The following CPLANE1 variants were observed in gnomAD, a reference collection of about 807,000 sequenced individuals.
CPLANE1 encodes ciliogenesis and planar polarity effector complex subunit 1.
Under a neutral mutation model 362.5 loss-of-function variants are expected in CPLANE1, and 263 were observed. The observed-to-expected ratio is 0.73, with a 90% CI of 0.66 to 0.80. CPLANE1 has a LOEUF of 0.80. CPLANE1 is among the 30% of genes least tolerant of loss of function. The probability of loss-of-function intolerance (pLI) is 0.00; values close to 1 mark genes in which losing one functional copy is unlikely to be tolerated. For synonymous variants in CPLANE1, 1,212 were observed against 1,302.6 expected (o/e 0.93, Z 1.50); for missense variants, 3,461 against 3,793.4 (o/e 0.91, Z 2.30).
rs1190963321 is a variant in CPLANE1, at chr5:37,175,968, T to C, written c.5919A>G (p.Ser1973=). The change falls in exon 31 of 53, where the codon TCA becomes TCG. Residue 1973 remains serine (S), a synonymous_variant. Coordinates refer to ENST00000651892, the MANE Select transcript of CPLANE1 (RefSeq NM_001384732.1). Reference sequence around the variant, plus strand: ...ATTGAGGAGTGGTATGCCCAGGATGTGAAAAGGCTTCGATCATACTATCAA... The same window carrying C: ...ATTGAGGAGTGGTATGCCCAGGATGCGAAAAGGCTTCGATCATACTATCAA... ...TEQKGMIEAF[S]HPGHTTPQSM... is the part of the protein sequence containing the mutation. 5.6e-6 allele frequency: 9 copies of C among 1,612,546 alleles called. No homozygotes were observed. The highest frequency in any genetic ancestry group is 7.6e-6 in the Non-Finnish European group (9 of 1,179,032).
At chr5:37,167,832 G>C (rs1021357039) in intron 34 of CPLANE1, among the ~76,000 whole-genome samples, 1 of 152,090 alleles carries the variant, frequency 6.6e-6, no homozygotes, top group African/African-American at 2.4e-5. Context: ...ATAATGTCCA[G>C]CATTTAACTT....
chr5:37,193,974 T>C (rs916100423), intron 21 of CPLANE1, among the ~76,000 whole-genome samples: 2 of 147,974 alleles, frequency 1.4e-5, no homozygotes, highest in African/African-American at 2.5e-5. Flanking sequence ...CAGGCTGGAG[T>C]ACAATGGTGC....
chr5:37,242,818 G>C (rs1055101379), intron 6 of CPLANE1, among the ~76,000 whole-genome samples, 195 bp downstream of exon 6: 1 of 151,552 alleles, frequency 6.6e-6, no homozygotes, highest in African/African-American at 2.4e-5. Context: ...CTTGAGCCCA[G>C]GAGTGCAAGA....
intron 44 of CPLANE1, chr5:37,141,742 T>C (rs539195094): frequency 1.3e-5 from 13 of 982,442 alleles, no homozygotes; most frequent in Admixed American, 6.1e-5. Context: ...CTATTATTCA[T>C]AGGACAAAGT....
At chr5:37,159,752 C>G (rs560369514) in intron 38 of CPLANE1, among the ~76,000 whole-genome samples, 1 of 152,302 alleles carries the variant, frequency 6.6e-6, no homozygotes, top group East Asian at 1.9e-4. Flanking sequence ...ATCATTCCCT[C>G]TCTCTTAATT....
At chr5:37,199,076 C>A (rs1788407930) in intron 19 of CPLANE1, among the ~76,000 whole-genome samples, 1 of 126,738 alleles carries the variant, frequency 7.9e-6, no homozygotes, top group Non-Finnish European at 1.6e-5. Context: ...AAGCCTGGGC[C>A]ACACAGGGAC....
Position 37,201,734 on chromosome 5 carries a change from C to T in CPLANE1, c.3364G>A (p.Asp1122Asn), listed in dbSNP as rs775457117. ...AATGTCTCCGAAAGAATATCTGCATCGGCCATAACTGATGCTTTCAGTACT... is the reference window on the plus strand; with the variant it reads ...AATGTCTCCGAAAGAATATCTGCATTGGCCATAACTGATGCTTTCAGTACT... ...QEVLKASVMA[D>N]ADILSETFQL... Residue 1122 changes from aspartate to asparagine, a missense_variant, in exon 19 of 53, where the codon GAT becomes AAT. Physicochemically the swap from Asp to Asn is conservative, Grantham distance 23 (BLOSUM62 1). This residue lies in a region of CPLANE1 where 3,380 missense variants were observed against 3,666.1 expected (regional missense o/e 0.92). Transcript: ENST00000651892. 1.4e-5 allele frequency: 23 copies of T among 1,613,916 alleles called. No homozygotes were observed. The highest frequency in any genetic ancestry group is 6.7e-5 in the African/African-American group (5 of 74,906).
At chr5:37,102,266 C>T (rs1208571994), downstream of CPLANE1, among the ~76,000 whole-genome samples, 5 of 152,114 alleles carry the variant, frequency 3.3e-5, no homozygotes, top group African/African-American at 1.2e-4. Context: ...TGGTTCACTG[C>T]ACCCTCCATC....
chr5:37,196,044 C>A (rs763812366), intron 20 of CPLANE1, 48 bp from the exon 21 acceptor site: 11 of 1,491,744 alleles, frequency 7.4e-6, no homozygotes, highest in African/African-American at 2.8e-5. Context: ...CTGTATAAAT[C>A]ACTTTTAAAA....
intron 4 of CPLANE1, among the ~76,000 whole-genome samples, chr5:37,245,042 C>A (rs10043911): frequency 0.066 from 10,037 of 151,628 alleles, 1,021 homozygotes; most frequent in African/African-American, 0.22. Flanking sequence ...GTCCCAGCTA[C>A]TCGGGAGGCT....
chr5:37,237,316 G>A (rs1799219104), intron 8 of CPLANE1, among the ~76,000 whole-genome samples: 1 of 152,068 alleles, frequency 6.6e-6, no homozygotes, highest in Admixed American at 6.5e-5. Context: ...TGGAACTGGA[G>A]GTCATTATCC....
intron 30 of CPLANE1, 57 bp downstream of exon 30, chr5:37,177,564 T>C: frequency 1.6e-6 from 2 of 1,278,342 alleles, no homozygotes; most frequent in Admixed American, 3.8e-5. Flanking sequence ...GGAAAAAAGC[T>C]GAAAGCTTCA....
chr5:37,235,777 G>C (rs906622755), intron 8 of CPLANE1, among the ~76,000 whole-genome samples: 13 of 151,382 alleles, frequency 8.6e-5, no homozygotes, highest in Non-Finnish European at 1.5e-4. Context: ...TCACCATGTT[G>C]GTCAGGCTGG....
chr5:37,083,120 C>G, the CPLANE1 span, among the ~76,000 whole-genome samples: 1 of 152,148 alleles, frequency 6.6e-6, no homozygotes, highest in African/African-American at 2.4e-5. Context: ...GCAGACAACC[C>G]CCAGTACCGG....
chr5:37,125,408 T>C lies in CPLANE1; in HGVS notation c.8794A>G (p.Ile2932Val). ...LTEQAMGTSR[I>V]QHYSGRHSQR... ...GAATGTCTGCCAGAATAATGCTGAATTCTGAGAAATTTAACAAGCAAGACA... is the reference window on the plus strand; with the variant it reads ...GAATGTCTGCCAGAATAATGCTGAACTCTGAGAAATTTAACAAGCAAGACA... The change falls in exon 47 of 53, where the codon ATT becomes GTT. Residue 2932 changes from isoleucine (I) to valine (V), a missense_variant and splice_region_variant. By Grantham distance (29) the Ile-to-Val change is conservative. This residue lies in a region of CPLANE1 where 3,380 missense variants were observed against 3,666.1 expected (regional missense o/e 0.92). Transcript: ENST00000651892. The C allele has an allele frequency of 6.2e-7, 1 of 1,611,840 alleles. No homozygotes were observed. Among genetic ancestry groups the C allele is most frequent in the Non-Finnish European group, 8.5e-7 (1 of 1,179,694 alleles).
At chr5:37,091,812 T>C in the CPLANE1 span, among the ~76,000 whole-genome samples, 6 of 152,118 alleles carry the variant, frequency 3.9e-5, no homozygotes, top group Non-Finnish European at 8.8e-5. Context: ...CATACCATGG[T>C]GTGGCTAGGA....
rs77589724 is a variant in CPLANE1 at position 37,224,383 on chromosome 5, T to C, written c.2501-50A>G. ...AGTCATAGTTAATTATATTACTTCA[T>C]AAAAATTTACTTTGTTTTAAAATCC... On this transcript the variant is annotated intron_variant, in intron 13 of 52. Transcript: ENST00000651892. The C allele has an allele frequency of 0.11, 145,832 of 1,383,890 alleles. 8,140 individuals are homozygous for C. Among genetic ancestry groups the C allele is most frequent in the Admixed American group, 0.16 (6,725 of 41,460 alleles). 85.7% of individuals were successfully genotyped at this position (1,383,890 alleles called of 1,614,324 possible).
the CPLANE1 span, chr5:37,085,753 C>A: frequency 2.1e-6 from 3 of 1,406,830 alleles, no homozygotes; most frequent in Non-Finnish European, 3.0e-6. Context: ...TTGGCAAGGG[C>A]AACAAACCAT....
intron 23 of CPLANE1, among the ~76,000 whole-genome samples, chr5:37,186,966 CA>C (rs1268270551): frequency 1.4e-5 from 2 of 145,318 alleles, no homozygotes; most frequent in Non-Finnish European, 3.0e-5. Context: ...AAGGCTGAGG[CA>C]GGAGAATGGC....
Sources: allele counts gnomAD v4.1 joint callset (sites outside exome capture counted in the v4.1 genomes callset), GRCh38; gene constraint gnomAD v4.1.1; regional missense constraint gnomAD v4.1.1; transcripts MANE v1.5; gene names NCBI Gene and HGNC (gene_info 2026-07-23, HGNC 2026-07-21).